Variants in PLCG2 observed in about 807,000 individuals in gnomAD.
PLCG2 encodes the protein 1-phosphatidylinositol 4,5-bisphosphate phosphodiesterase gamma-2.
A neutral mutation model predicts 175.6 loss-of-function variants in PLCG2; 69 were observed. The observed-to-expected ratio is 0.39, with a 90% CI of 0.32 to 0.48. The LOEUF (loss-of-function observed/expected upper bound fraction) is 0.48. PLCG2 is among the 20% of genes least tolerant of loss of function. The pLI, the probability that PLCG2 is intolerant of heterozygous loss-of-function variation, is 0.91. For missense variants in PLCG2, 1,798 were observed against 1,650.9 expected, an observed-to-expected ratio of 1.09 and a Z score of -1.54; for synonymous variants, 827 against 624.0, an observed-to-expected ratio of 1.33 and a Z score of -4.85.
At chr16:81,750,971 CTTT>C (rs34518159) in intron 1 of PLCG2, among the ~76,000 whole-genome samples, 658 of 41,708 alleles carry the variant, frequency 0.016, 13 homozygotes, top group African/African-American at 0.049. Context: ...CCGCACCCAG[CTTT>C]TTTTTTTTTT....
chr16:81,947,904 T>C (rs1043388501), intron 31 of PLCG2, among the ~76,000 whole-genome samples: 6 of 152,186 alleles, frequency 3.9e-5, no homozygotes, highest in Non-Finnish European at 5.9e-5. Flanking sequence ...TAGATTTCCA[T>C]TGCCTTATGA....
chr16:81,953,995 T>C (rs1214973608), intron 31 of PLCG2, among the ~76,000 whole-genome samples: 1 of 152,134 alleles, frequency 6.6e-6, no homozygotes, highest in Non-Finnish European at 1.5e-5. Context: ...CCTTTCATGG[T>C]ATAGTATTAA....
chr16:81,779,755 G>C (rs982189705), intron 1 of PLCG2, among the ~76,000 whole-genome samples: 4 of 152,058 alleles, frequency 2.6e-5, no homozygotes, highest in African/African-American at 9.7e-5. Context: ...TCCTCTTTTC[G>C]AGCGGCTCTG....
chr16:81,893,075 G>T (rs11646670), intron 11 of PLCG2, among the ~76,000 whole-genome samples: 21,586 of 152,104 alleles, frequency 0.14, 1,781 homozygotes, highest in South Asian at 0.26. Flanking sequence ...TGGCCAGGCT[G>T]GTCTTGAACA....
chr16:81,797,832 C>T lies in PLCG2; in HGVS notation c.193+11650C>T, dbSNP rs145590761. 7.7e-3 allele frequency among the ~76,000 whole-genome samples: 1,140 copies of T among 148,034 alleles called. 4 individuals carry two copies. The highest frequency in any genetic ancestry group is 0.014 in the Middle Eastern group (4 of 282). On this transcript the variant is annotated intron_variant, in intron 2 of 32. Coordinates refer to ENST00000564138, the MANE Select transcript of PLCG2 (RefSeq NM_002661.5). Reference sequence around the variant, plus strand: ...TCTTTGAGTCTCAGTTTTCTTTTTTCTTGTCTTTTTTTTTTTTGAGATGGA... The same window carrying T: ...TCTTTGAGTCTCAGTTTTCTTTTTTTTTGTCTTTTTTTTTTTTGAGATGGA...
chr16:81,856,430 C>G (rs1906683754), intron 3 of PLCG2, among the ~76,000 whole-genome samples: 1 of 152,136 alleles, frequency 6.6e-6, no homozygotes, highest in Non-Finnish European at 1.5e-5. Flanking sequence ...AAGCTCTTAA[C>G]CACTCCTCAA....
chr16:81,787,411 T>TTTTTTTTTTTG (rs1491091914), intron 2 of PLCG2, among the ~76,000 whole-genome samples: 14 of 140,956 alleles, frequency 9.9e-5, no homozygotes, highest in African/African-American at 3.6e-4. Flanking sequence ...TTTTTTTTTT[T>TTTTTTTTTTTG]GTAGAGATGG....
chr16:81,887,320 C>T lies in PLCG2; in HGVS notation c.766-1852C>T, dbSNP rs550959258. Among the ~76,000 whole-genome samples the T allele has an allele frequency of 1.2e-4, 19 of 152,240 alleles. No individual in the cohort carries two copies. In the East Asian group the frequency reaches 3.1e-3, roughly 25 times the overall value. ...GTTTTTAGTAGAGACGGGGTTTCAC[C>T]GTGTTAGCCAGGATGGTCTCGATCT... On this transcript the variant is annotated intron_variant, in intron 9 of 32. Transcript: ENST00000564138.
intron 2 of PLCG2, among the ~76,000 whole-genome samples, chr16:81,797,589 G>A (rs951639846): frequency 2.0e-4 from 30 of 152,226 alleles, no homozygotes; most frequent in Non-Finnish European, 2.1e-4. Flanking sequence ...CTGGCCTGTG[G>A]CTGGTGCTCC....
chr16:81,912,838 GACA>G (rs759042217), intron 19 of PLCG2, 122 bp downstream of exon 19: 22 of 1,231,004 alleles, frequency 1.8e-5, no homozygotes, highest in Non-Finnish European at 2.3e-5. Flanking sequence ...CAGCATCAGC[GACA>G]ACAACAACCA....
intron 19 of PLCG2, among the ~76,000 whole-genome samples, chr16:81,913,720 G>A (rs1381177173): frequency 6.6e-6 from 1 of 152,230 alleles, no homozygotes; most frequent in African/African-American, 2.4e-5. Flanking sequence ...GGTGCTGGCT[G>A]CATGGCAGCT....
chr16:81,802,473 T>C (rs1179152273), intron 2 of PLCG2, among the ~76,000 whole-genome samples: 1 of 152,114 alleles, frequency 6.6e-6, no homozygotes. Context: ...GTGTTCCCAG[T>C]AGATGCTTAG....
intron 13 of PLCG2, chr16:81,897,952 T>C (rs1457232384): frequency 6.8e-6 from 3 of 439,906 alleles, no homozygotes; most frequent in Non-Finnish European, 1.4e-5. Context: ...GGTGAAAACC[T>C]TTCAATGAAG....
At chr16:81,770,632 A>G (rs1403993148) in intron 2 of PLCG2, among the ~76,000 whole-genome samples, 1 of 151,676 alleles carries the variant, frequency 6.6e-6, no homozygotes, top group East Asian at 1.9e-4. Context: ...GGAGGATTGT[A>G]TGAGCCCGGC....
At chr16:81,947,745 C>A (rs1430227185) in intron 31 of PLCG2, among the ~76,000 whole-genome samples, 1 of 152,194 alleles carries the variant, frequency 6.6e-6, no homozygotes, top group African/African-American at 2.4e-5. Context: ...CAGTCCTTTA[C>A]TTTGCTAGCA....
chr16:81,790,636 C>T (rs960838151), intron 2 of PLCG2, among the ~76,000 whole-genome samples: 2 of 152,168 alleles, frequency 1.3e-5, no homozygotes, highest in Non-Finnish European at 2.9e-5. Context: ...GCACCGGCAC[C>T]TGGTTTTGGA....
At chr16:81,929,010 C>T (rs1213263132) in intron 24 of PLCG2, among the ~76,000 whole-genome samples, 1 of 152,232 alleles carries the variant, frequency 6.6e-6, no homozygotes, top group Non-Finnish European at 1.5e-5. Context: ...CCAGCTCTGC[C>T]TCTCTGTCGC....
chr16:81,910,601 C>T lies in PLCG2; in HGVS notation c.1815C>T (p.Leu605=), dbSNP rs1909577178. The T allele has an allele frequency of 1.9e-6, 3 of 1,614,160 alleles. No individual in the cohort carries two copies. Among genetic ancestry groups the T allele is most frequent in the African/African-American group, 1.3e-5 (1 of 75,072 alleles). Residue 605 remains leucine (L), a synonymous_variant, in exon 18 of 33, where the codon CTC becomes CTT. Coordinates refer to ENST00000564138, the MANE Select transcript of PLCG2 (RefSeq NM_002661.5). ...GTLKYYLTDN[L]TFSSIYALIQ... ...TGAAATACTACTTGACTGACAACCT[C>T]ACCTTCAGCAGCATCTATGCCCTCA...
intron 7 of PLCG2, among the ~76,000 whole-genome samples, chr16:81,879,012 T>C (rs1006821253): frequency 2.0e-5 from 3 of 152,118 alleles, no homozygotes; most frequent in African/African-American, 7.2e-5. Context: ...GGAAGCCAGG[T>C]CTTTCCTGGT....
Sources: gnomAD v4.1 joint callset for allele counts (sites outside exome capture counted in the v4.1 genomes callset) on GRCh38, gnomAD v4.1.1 for gene constraint, MANE v1.5 for transcripts, NCBI Gene and HGNC (gene_info 2026-07-23, HGNC 2026-07-21) for gene names.